Variants in CACNA2D2 observed in about 807,000 individuals in gnomAD.
The protein encoded by CACNA2D2 is calcium voltage-gated channel auxiliary subunit alpha2delta 2.
CACNA2D2 carries 48 observed loss-of-function variants against 166.4 expected under a neutral mutation model. The observed-to-expected ratio is 0.29, with a 90% confidence interval of 0.23 to 0.37. The LOEUF (loss-of-function observed/expected upper bound fraction) is 0.37, where lower values mean the gene tolerates loss of function less well. CACNA2D2 is among the 10% of genes least tolerant of loss of function. CACNA2D2 has a pLI of 1.00. For missense variants in CACNA2D2, 1,122 were observed against 1,433.0 expected (o/e 0.78, Z 3.50); for synonymous variants, 561 against 573.7 (o/e 0.98, Z 0.32).
At chr3:50,368,042 G>A in intron 24 of CACNA2D2, 96 bp downstream of exon 24, 2 of 1,190,916 alleles carry the variant, frequency 1.7e-6, no homozygotes, top group Admixed American at 1.7e-5. Flanking sequence ...GCTTGTGCCT[G>A]CTTATTTCCA....
chr3:50,375,330 T>C lies in CACNA2D2; in HGVS notation c.1907+314A>G, dbSNP rs879547034. 7.9e-5 allele frequency among the ~76,000 whole-genome samples: 12 copies of C among 152,170 alleles called. No homozygotes were observed. Among genetic ancestry groups the C allele is most frequent in the Non-Finnish European group, 1.8e-4 (12 of 68,018 alleles). On this transcript the variant is annotated intron_variant, in intron 21 of 37. Coordinates refer to ENST00000424201, the MANE Select transcript of CACNA2D2 (RefSeq NM_006030.4). This position sits in a 1 kb window ranked among gnomAD's most constrained non-coding sequence, Gnocchi z 4.0. ...TGTGTGGGGCAGGCAGAGGTCAGCCTGCACTGACCCAGCCTGACACACAAG... is the reference window on the plus strand; with the variant it reads ...TGTGTGGGGCAGGCAGAGGTCAGCCCGCACTGACCCAGCCTGACACACAAG...
Position 50,381,005 on chromosome 3 carries a change from G to A in CACNA2D2, c.774C>T (p.Arg258=). 1 of 1,613,848 alleles carries A rather than the reference G, an allele frequency of 6.2e-7. No homozygotes were observed. The highest frequency in any genetic ancestry group is 8.5e-7 in the Non-Finnish European group (1 of 1,179,826). The change falls in exon 7 of 38, where the codon CGC becomes CGT. Residue 258 remains arginine (R), a synonymous_variant. Coordinates refer to ENST00000424201, the MANE Select transcript of CACNA2D2 (RefSeq NM_006030.4). ...QVFGSATGVT[R]YYPATPWRAP... is the part of the protein sequence containing the mutation. The stretch of plus-strand genomic sequence containing the variant: ...GGGGCTGGTACCTACCCGGGTAGTA[G>A]CGAGTGACTCCTGTGGCGCTGCCGA...
At chr3:50,382,486 C>G (rs1395834384) in intron 6 of CACNA2D2, among the ~76,000 whole-genome samples, 1 of 152,338 alleles carries the variant, frequency 6.6e-6, no homozygotes, top group East Asian at 1.9e-4. Context: ...CTGCTGCGTC[C>G]GCTGCCTGAT....
intron 1 of CACNA2D2, among the ~76,000 whole-genome samples, chr3:50,483,447 C>A (rs913706519): frequency 6.6e-6 from 1 of 152,370 alleles, no homozygotes; most frequent in Non-Finnish European, 1.5e-5. Flanking sequence ...AATTACGGGG[C>A]TATCCCTTCC....
intron 3 of CACNA2D2, among the ~76,000 whole-genome samples, chr3:50,418,737 G>A (rs1707399101): frequency 6.6e-6 from 1 of 152,254 alleles, no homozygotes; most frequent in African/African-American, 2.4e-5. Flanking sequence ...CTGCAGGGTG[G>A]AGAGGGAGAA....
chr3:50,471,232 G>A (rs1213369066), intron 2 of CACNA2D2, among the ~76,000 whole-genome samples: 2 of 151,932 alleles, frequency 1.3e-5, no homozygotes, highest in Non-Finnish European at 2.9e-5. Flanking sequence ...CCCTGCAGAG[G>A]GGCTGTGCCA....
In CACNA2D2 at chr3:50,365,323, C is replaced by T. The variant is rs1333446825; in HGVS notation, c.3098+33G>A. 3 of 1,609,986 alleles carry T rather than the reference C, an allele frequency of 1.9e-6. No homozygotes were observed. Among genetic ancestry groups the T allele is most frequent in the Admixed American group, 1.7e-5 (1 of 59,262 alleles). Reference sequence around the variant, plus strand: ...GTCTCGCCCCGCTCACAGGTTCCGCCCTTGGCCTCTGGTCCCGCCCCACTG... The same window carrying T: ...GTCTCGCCCCGCTCACAGGTTCCGCTCTTGGCCTCTGGTCCCGCCCCACTG... On this transcript the variant is annotated intron_variant, in intron 35 of 37. Coordinates refer to ENST00000424201, the MANE Select transcript of CACNA2D2 (RefSeq NM_006030.4). This position sits in a 1 kb window ranked among gnomAD's most constrained non-coding sequence, Gnocchi z 4.5.
In CACNA2D2 at chr3:50,430,992, T is replaced by C. The variant is rs1403130367; in HGVS notation, c.405+3321A>G. ...ACCACCCTTTGCAGCTTGGAGAAACTCGTTACAAACATCTGATTGTCCCTG... is the reference window on the plus strand; with the variant it reads ...ACCACCCTTTGCAGCTTGGAGAAACCCGTTACAAACATCTGATTGTCCCTG... On this transcript the variant is annotated intron_variant, in intron 3 of 37. Transcript: ENST00000424201. Among the ~76,000 whole-genome samples, 4 of 152,218 alleles carry C rather than the reference T, an allele frequency of 2.6e-5. No individual in the cohort carries two copies. In the East Asian group the frequency reaches 7.7e-4, roughly 29 times the overall value.
Position 50,376,954 on chromosome 3 carries a change from C to T in CACNA2D2, c.1626+513G>A, listed in dbSNP as rs1705028166. Among the ~76,000 whole-genome samples the T allele has an allele frequency of 6.6e-6, 1 of 152,210 alleles. No individual in the cohort carries two copies. The highest frequency in any genetic ancestry group is 2.4e-5 in the African/African-American group (1 of 41,456). ...TCCCTCTGCCTCCAATGTACGCCAT[C>T]CCCTCCTTTCCTTTCTGCCTGGGAC... is the stretch of plus-strand genomic sequence containing the variant. On this transcript the variant is annotated intron_variant, in intron 17 of 37. Coordinates refer to ENST00000424201, the MANE Select transcript of CACNA2D2 (RefSeq NM_006030.4). The surrounding 1 kb of genome is among the most constrained non-coding windows in gnomAD (Gnocchi z 4.3).
intron 14 of CACNA2D2, 87 bp from the exon 15 acceptor site, chr3:50,378,184 G>T (rs1473124949): frequency 6.4e-7 from 1 of 1,567,960 alleles, no homozygotes; most frequent in African/African-American, 1.4e-5. Context: ...TTGTGCCCCA[G>T]CCACTGTGAG....
chr3:50,365,065 G>T lies in CACNA2D2; in HGVS notation c.3208+10C>A. On this transcript the variant is annotated intron_variant, in intron 36 of 37. Transcript: ENST00000424201. The surrounding 1 kb of genome is among the most constrained non-coding windows in gnomAD (Gnocchi z 4.5). ...GGGAGCGGGCGGCGGGGAGGGCGGG[G>T]GCAGGATACAGTGCGTCTCCTTCTG... 6.2e-7 allele frequency: 1 copy of T among 1,607,332 alleles called. No individual in the cohort carries two copies. Among genetic ancestry groups the T allele is most frequent in the South Asian group, 1.1e-5 (1 of 90,950 alleles).
At chr3:50,378,419 A>T in intron 13 of CACNA2D2, 86 bp from the exon 14 acceptor site, 1 of 1,355,736 alleles carries the variant, frequency 7.4e-7, no homozygotes, top group African/African-American at 1.4e-5. Context: ...GTGTGTCTGC[A>T]GCCCTGCCTC....
chr3:50,483,051 G>T (rs1698121637), intron 1 of CACNA2D2, among the ~76,000 whole-genome samples: 1 of 152,226 alleles, frequency 6.6e-6, no homozygotes, highest in Non-Finnish European at 1.5e-5. Context: ...GGGACACTGA[G>T]CCCAGAGTGA....
Position 50,365,278 on chromosome 3 carries a change from C to CCCCTT in CACNA2D2, c.3098+73_3098+77dup. ...CGCCCCCGGCCGCTCGGAGGCCCCG[C>CCCCTT]CCCTTCCATCCTCCCGAGCGTCTCG... On this transcript the variant is annotated intron_variant, in intron 35 of 37. Transcript: ENST00000424201. This position sits in a 1 kb window ranked among gnomAD's most constrained non-coding sequence, Gnocchi z 4.5. 1 of 1,586,228 alleles carries CCCCTT rather than the reference C, an allele frequency of 6.3e-7. No homozygotes were observed. Among genetic ancestry groups the CCCCTT allele is most frequent in the East Asian group, 2.3e-5 (1 of 43,788 alleles).
rs558206896 is a variant in CACNA2D2 at position 50,494,336 on chromosome 3, G to C, written c.206+8882C>G. ...TGACCTTTAAGGCTTCAAATGCAGCGTTTTAGGCGGGGCCAGCAGGAGGAG... is the reference window on the plus strand; with the variant it reads ...TGACCTTTAAGGCTTCAAATGCAGCCTTTTAGGCGGGGCCAGCAGGAGGAG... On this transcript the variant is annotated intron_variant, in intron 1 of 37. Coordinates refer to ENST00000424201, the MANE Select transcript of CACNA2D2 (RefSeq NM_006030.4). Among the ~76,000 whole-genome samples, 12 of 152,246 alleles carry C rather than the reference G, an allele frequency of 7.9e-5. No homozygotes were observed. In the South Asian group the frequency reaches 1.7e-3, roughly 21 times the overall value.
At chr3:50,410,422 C>T (rs1706945034) in intron 3 of CACNA2D2, among the ~76,000 whole-genome samples, 7 of 152,132 alleles carry the variant, frequency 4.6e-5, no homozygotes, top group Admixed American at 3.3e-4. Flanking sequence ...AGAGCATGCT[C>T]ACTACCTTGG....
intron 1 of CACNA2D2, among the ~76,000 whole-genome samples, chr3:50,501,701 GA>G (rs892355009): frequency 6.6e-6 from 1 of 152,092 alleles, no homozygotes; most frequent in African/African-American, 2.4e-5. Context: ...AAACGGCTAA[GA>G]AAAAAATAAT....
chr3:50,399,903 C>G (rs1037218657), intron 3 of CACNA2D2, among the ~76,000 whole-genome samples: 1 of 152,160 alleles, frequency 6.6e-6, no homozygotes, highest in Non-Finnish European at 1.5e-5. Flanking sequence ...CCCAGCTGTC[C>G]CTCCGAGTTG....
At chr3:50,453,678 C>A (rs1329150281) in intron 2 of CACNA2D2, among the ~76,000 whole-genome samples, 1 of 152,232 alleles carries the variant, frequency 6.6e-6, no homozygotes, top group Non-Finnish European at 1.5e-5. Flanking sequence ...ATCTTCCTGA[C>A]CACCATCCTC....
Sources: gnomAD v4.1 joint callset for allele counts (sites outside exome capture counted in the v4.1 genomes callset) on GRCh38, gnomAD v4.1.1 for gene constraint, Gnocchi (gnomAD v3.1) non-coding constraint, MANE v1.5 for transcripts, NCBI Gene and HGNC (gene_info 2026-07-23, HGNC 2026-07-21) for gene names.